Variants in RAB27B observed in about 807,000 individuals in gnomAD.
RAB27B encodes the protein ras-related protein Rab-27B.
A neutral mutation model predicts 24.6 loss-of-function variants in RAB27B; 15 were observed. The observed-to-expected ratio is 0.61, with a 90% CI of 0.41 to 0.94. RAB27B has a LOEUF of 0.94. Ranked by LOEUF, RAB27B falls within the 40% of genes least tolerant of loss-of-function variation. The probability of loss-of-function intolerance (pLI) is 0.00; values close to 1 mark genes in which losing one functional copy is unlikely to be tolerated. For missense variants in RAB27B, 261 were observed against 266.8 expected, an observed-to-expected ratio of 0.98 and a Z score of 0.15; for synonymous variants, 105 against 92.5, an observed-to-expected ratio of 1.14 and a Z score of -0.78.
chr18:54,749,075 C>G (rs571747268), intron 2 of RAB27B, among the ~76,000 whole-genome samples: 2 of 152,268 alleles, frequency 1.3e-5, no homozygotes, highest in Admixed American at 6.5e-5. Context: ...AAAAGACTGT[C>G]TGGGCATGGT....
chr18:54,829,174 AAG>A (rs1270428739), intron 1 of RAB27B, among the ~76,000 whole-genome samples: 1 of 152,216 alleles, frequency 6.6e-6, no homozygotes, highest in Non-Finnish European at 1.5e-5. Flanking sequence ...CAGAGACCTT[AAG>A]AGTACTTTCT....
chr18:54,762,931 G>A (rs553492696), intron 2 of RAB27B, among the ~76,000 whole-genome samples: 1 of 152,176 alleles, frequency 6.6e-6, no homozygotes, highest in African/African-American at 2.4e-5. Flanking sequence ...GTGTCACAAT[G>A]AGTGTACCCA....
At chr18:54,872,711 A>C (rs1168125886) in intron 1 of RAB27B, among the ~76,000 whole-genome samples, 1 of 152,100 alleles carries the variant, frequency 6.6e-6, no homozygotes, top group Admixed American at 6.5e-5. Context: ...CTAAATACTT[A>C]CCTCATTGAT....
chr18:54,840,326 C>A (rs1044199482), intron 1 of RAB27B, among the ~76,000 whole-genome samples: 3 of 152,150 alleles, frequency 2.0e-5, no homozygotes, highest in Non-Finnish European at 2.9e-5. Flanking sequence ...ATTTGTTGGC[C>A]AGTCTTTCTG....
At chr18:54,769,355 G>A (rs970498787) in intron 2 of RAB27B, among the ~76,000 whole-genome samples, 5 of 152,062 alleles carry the variant, frequency 3.3e-5, no homozygotes, top group Non-Finnish European at 7.4e-5. Context: ...AATGCCATCT[G>A]ATGATTACAT....
chr18:54,770,510 G>C (rs1361505323), intron 2 of RAB27B, among the ~76,000 whole-genome samples: 1 of 151,920 alleles, frequency 6.6e-6, no homozygotes, highest in Non-Finnish European at 1.5e-5. Context: ...GGCTCCTACT[G>C]ATTCTACATT....
chr18:54,787,856 A>G (rs11872240), intron 2 of RAB27B, among the ~76,000 whole-genome samples: 5,455 of 152,266 alleles, frequency 0.036, 316 homozygotes, highest in African/African-American at 0.12. Flanking sequence ...CTTGTGCCAT[A>G]TAATTTACTC....
intron 2 of RAB27B, among the ~76,000 whole-genome samples, chr18:54,762,497 C>T (rs1908222825): frequency 6.6e-6 from 1 of 152,150 alleles, no homozygotes; most frequent in African/African-American, 2.4e-5. Flanking sequence ...TTATTTCCTC[C>T]TACTCCCGCT....
At chr18:54,855,458 T>C (rs1911746111) in intron 1 of RAB27B, among the ~76,000 whole-genome samples, 1 of 152,212 alleles carries the variant, frequency 6.6e-6, no homozygotes, top group Non-Finnish European at 1.5e-5. Context: ...CAAAGGGTGG[T>C]GTCCAAGGTG....
At chr18:54,755,342 A>G (rs1907968875) in intron 2 of RAB27B, among the ~76,000 whole-genome samples, 1 of 152,190 alleles carries the variant, frequency 6.6e-6, no homozygotes, top group Non-Finnish European at 1.5e-5. Flanking sequence ...GTGAGCTGAG[A>G]TCGCACCAGT....
chr18:54,883,171 C>T (rs1286107851), intron 3 of RAB27B, among the ~76,000 whole-genome samples: 2 of 152,120 alleles, frequency 1.3e-5, no homozygotes, highest in African/African-American at 4.8e-5. Context: ...TTGGAGATGC[C>T]TGAGTTTCCA....
intron 3 of RAB27B, among the ~76,000 whole-genome samples, chr18:54,882,565 C>T (rs1362935331): frequency 2.0e-5 from 3 of 152,160 alleles, no homozygotes; most frequent in Non-Finnish European, 4.4e-5. Context: ...CCTCTGATAC[C>T]ATTATGTATT....
intron 2 of RAB27B, among the ~76,000 whole-genome samples, chr18:54,751,920 T>G (rs1041529865): frequency 8.5e-5 from 13 of 152,146 alleles, no homozygotes; most frequent in African/African-American, 3.1e-4. Flanking sequence ...CTGGTTATCA[T>G]TTCTCTTGGG....
intron 3 of RAB27B, among the ~76,000 whole-genome samples, chr18:54,881,898 G>A (rs1912940694): frequency 6.6e-6 from 1 of 152,062 alleles, no homozygotes; most frequent in Non-Finnish European, 1.5e-5. Flanking sequence ...GCAATGAGAG[G>A]GAATAACACA....
intron 4 of RAB27B, among the ~76,000 whole-genome samples, chr18:54,887,065 T>G (rs1913173655): frequency 1.2e-5 from 1 of 84,526 alleles, no homozygotes; most frequent in Non-Finnish European, 2.2e-5. Flanking sequence ...CCTCCCTCCC[T>G]CCCTCCTCTT....
chr18:54,741,383 C>G (rs1053380475), intron 2 of RAB27B, among the ~76,000 whole-genome samples: 3 of 152,152 alleles, frequency 2.0e-5, no homozygotes, highest in Non-Finnish European at 2.9e-5. Context: ...AGTTAGTATA[C>G]TAAGTTCACT....
At chr18:54,863,458 TG>T (rs1219143231) in intron 1 of RAB27B, among the ~76,000 whole-genome samples, 1 of 152,220 alleles carries the variant, frequency 6.6e-6, no homozygotes, top group East Asian at 1.9e-4. Flanking sequence ...GAATAATTAT[TG>T]TAAGAGAAAA....
chr18:54,825,333 G>A (rs114628185), upstream of RAB27B, among the ~76,000 whole-genome samples: 481 of 152,210 alleles, frequency 3.2e-3, 2 homozygotes, highest in African/African-American at 0.011. Context: ...TTTCCTGGAC[G>A]TTTAGTGAAA....
chr18:54,829,058 A>G (rs1472414790), intron 1 of RAB27B, among the ~76,000 whole-genome samples: 1 of 152,248 alleles, frequency 6.6e-6, no homozygotes, highest in Non-Finnish European at 1.5e-5. Context: ...AAGAAAAAGC[A>G]TGGATGATGA....
Sources: allele counts gnomAD v4.1 joint callset (sites outside exome capture counted in the v4.1 genomes callset), GRCh38; gene constraint gnomAD v4.1.1; transcripts MANE v1.5; gene names NCBI Gene and HGNC (gene_info 2026-07-23, HGNC 2026-07-21).